Variants in AIG1 observed in about 807,000 individuals in gnomAD.
The protein encoded by AIG1 is androgen-induced gene 1 protein.
A neutral mutation model predicts 31.4 loss-of-function variants in AIG1; 23 were observed. That is an observed-to-expected ratio of 0.73 (90% CI 0.53 to 1.04). The LOEUF (loss-of-function observed/expected upper bound fraction) is 1.04. AIG1 is among the 50% of genes least tolerant of loss of function. AIG1 has a pLI of 0.00. For missense variants in AIG1, 274 were observed against 295.0 expected (o/e 0.93, Z 0.52); for synonymous variants, 100 against 110.5 (o/e 0.90, Z 0.60).
intron 3 of AIG1, among the ~76,000 whole-genome samples, chr6:143,276,004 G>A (rs1043681949): frequency 6.6e-6 from 1 of 152,172 alleles, no homozygotes; most frequent in Non-Finnish European, 1.5e-5. Flanking sequence ...AAAGGAAAGA[G>A]AAAATACACA....
In AIG1 at chr6:143,331,873, A is replaced by ATTC. The variant is rs1290072809; in HGVS notation, c.516-1407_516-1406insCTT. Reference sequence around the variant, plus strand: ...TATTATTATTATTATTATTATTATTATTATTATTATTATTTTGAGACCAAG... The same window carrying ATTC: ...TATTATTATTATTATTATTATTATTATTCTTATTATTATTATTTTGAGACCAAG... On this transcript the variant is annotated intron_variant, in intron 4 of 5. Transcript: ENST00000357847. This position sits in a 1 kb window ranked among gnomAD's most constrained non-coding sequence, Gnocchi z 4.1. Among the ~76,000 whole-genome samples the ATTC allele has an allele frequency of 6.8e-6, 1 of 147,406 alleles. No individual in the cohort carries two copies. Among genetic ancestry groups the ATTC allele is most frequent in the Non-Finnish European group, 1.5e-5 (1 of 67,100 alleles).
rs763567569 is a variant in AIG1 at position 143,339,837 on chromosome 6, A to G, written c.*161A>G. The G allele has an allele frequency of 1.8e-5, 10 of 553,166 alleles. No individual in the cohort carries two copies. The highest frequency in any genetic ancestry group is 3.0e-5 in the Non-Finnish European group (10 of 330,178). 34.3% of individuals were successfully genotyped at this position (553,166 alleles called of 1,614,324 possible). On this transcript the variant is annotated 3_prime_UTR_variant, in exon 6 of 6. Transcript: ENST00000357847. ...TTTATATATAAATATGTATAAACATAGAATACAGTTGTTTCCAAAAGAACT... is the reference window on the plus strand; with the variant it reads ...TTTATATATAAATATGTATAAACATGGAATACAGTTGTTTCCAAAAGAACT...
chr6:143,313,365 C>T (rs1775465650), intron 4 of AIG1, among the ~76,000 whole-genome samples: 2 of 152,072 alleles, frequency 1.3e-5, no homozygotes, highest in Non-Finnish European at 2.9e-5. Context: ...TGGAGTACTA[C>T]TCAGCCATGA....
chr6:143,283,322 T>C (rs767886882), intron 3 of AIG1, among the ~76,000 whole-genome samples: 9 of 152,208 alleles, frequency 5.9e-5, no homozygotes, highest in Admixed American at 2.6e-4. Flanking sequence ...CCTTCAGACA[T>C]CATGTCTAAA....
intron 3 of AIG1, among the ~76,000 whole-genome samples, chr6:143,277,009 CA>C (rs1037688794): frequency 2.6e-5 from 4 of 152,140 alleles, no homozygotes; most frequent in African/African-American, 9.7e-5. Context: ...ATTCTTCGAA[CA>C]TTTGACTTAT....
intron 3 of AIG1, among the ~76,000 whole-genome samples, chr6:143,246,299 T>C (rs1219597043): frequency 2.0e-5 from 3 of 151,168 alleles, no homozygotes; most frequent in South Asian, 2.1e-4. Flanking sequence ...TTAATGGACT[T>C]ACAGTTCCAC....
chr6:143,206,132 A>C (rs932364681), intron 3 of AIG1, among the ~76,000 whole-genome samples: 1 of 152,232 alleles, frequency 6.6e-6, no homozygotes, highest in African/African-American at 2.4e-5. Context: ...AAGGTCAGCG[A>C]AGGCTGACAC....
intron 4 of AIG1, among the ~76,000 whole-genome samples, chr6:143,302,746 G>A (rs1027288501): frequency 1.3e-5 from 2 of 152,150 alleles, no homozygotes; most frequent in African/African-American, 2.4e-5. Context: ...ATCCAGTAAC[G>A]GGATGGCTGG....
chr6:143,127,620 A>C (rs1461514369), intron 1 of AIG1, among the ~76,000 whole-genome samples: 1 of 152,030 alleles, frequency 6.6e-6, no homozygotes, highest in East Asian at 1.9e-4. Context: ...AGTTTAGTCA[A>C]TTATGTAGAA....
chr6:143,336,481 A>T (rs1007073539), intron 5 of AIG1, among the ~76,000 whole-genome samples: 1 of 152,148 alleles, frequency 6.6e-6, no homozygotes, highest in African/African-American at 2.4e-5. Flanking sequence ...TTGTATAAGA[A>T]TACCAGTTGT....
At chr6:143,341,109 C>T (rs11757293), downstream of AIG1, among the ~76,000 whole-genome samples, 18,924 of 152,152 alleles carry the variant, frequency 0.12, 1,658 homozygotes, top group East Asian at 0.4. Context: ...ACTCTATATG[C>T]CCCCCATTTC....
At chr6:143,265,119 A>G (rs1413578210) in intron 3 of AIG1, among the ~76,000 whole-genome samples, 2 of 151,910 alleles carry the variant, frequency 1.3e-5, no homozygotes, top group African/African-American at 2.4e-5. Context: ...CATCCAGGTC[A>G]TTTGCATTTA....
At chr6:143,180,668 C>G (rs1386484254) in intron 3 of AIG1, among the ~76,000 whole-genome samples, 1 of 152,142 alleles carries the variant, frequency 6.6e-6, no homozygotes, top group Non-Finnish European at 1.5e-5. Flanking sequence ...ATGCAAAGCA[C>G]TGAAGAAGGT....
chr6:143,166,794 A>G (rs1214871361), intron 3 of AIG1, among the ~76,000 whole-genome samples: 4 of 152,184 alleles, frequency 2.6e-5, no homozygotes, highest in Non-Finnish European at 5.9e-5. Flanking sequence ...CGCTACAAAT[A>G]AGGAATGATC....
At position 143,129,781 on chromosome 6, in the gene AIG1, AT is replaced by A. The variant is rs545614551; in HGVS notation, c.142-7051del. On this transcript the variant is annotated intron_variant, in intron 1 of 5. Transcript: ENST00000357847. ...TATTTATACAAAAAATTGTTGAGTA[AT>A]TTAGTTAAATTAGTTTCTTTTTCCT... 9.5e-4 allele frequency among the ~76,000 whole-genome samples: 145 copies of A among 152,154 alleles called. No homozygotes were observed. The Middle Eastern group carries it at 0.02, about 21-fold the overall frequency.
At chr6:143,157,875 T>TACA (rs2128555397) in intron 2 of AIG1, among the ~76,000 whole-genome samples, 1 of 152,314 alleles carries the variant, frequency 6.6e-6, no homozygotes. Context: ...CCTCTCTATG[T>TACA]TTTTTGTGTT....
intron 1 of AIG1, among the ~76,000 whole-genome samples, chr6:143,128,678 T>C (rs1267393817): frequency 6.6e-6 from 1 of 152,214 alleles, no homozygotes; most frequent in Non-Finnish European, 1.5e-5. Flanking sequence ...ACAGTTAAGT[T>C]AATGAATTTT....
chr6:143,189,649 T>C (rs1185020410), intron 3 of AIG1: 1 of 985,314 alleles, frequency 1.0e-6, no homozygotes, highest in Non-Finnish European at 1.2e-6. Flanking sequence ...TTAAAGTTGA[T>C]TTGCTTTAAA....
chr6:143,210,190 G>C (rs925398422), intron 3 of AIG1, among the ~76,000 whole-genome samples: 1 of 152,204 alleles, frequency 6.6e-6, no homozygotes, highest in Non-Finnish European at 1.5e-5. Flanking sequence ...ACCATGTGAA[G>C]AAGGACATGT....
Sources: gnomAD v4.1 joint callset for allele counts (sites outside exome capture counted in the v4.1 genomes callset) on GRCh38, gnomAD v4.1.1 for gene constraint, Gnocchi (gnomAD v3.1) non-coding constraint, MANE v1.5 for transcripts, NCBI Gene and HGNC (gene_info 2026-07-23, HGNC 2026-07-21) for gene names.